The following IL12RB2 variants were observed in gnomAD, a reference collection of about 807,000 sequenced individuals.
The protein encoded by IL12RB2 is interleukin 12 receptor subunit beta 2, also known as interleukin-12 receptor subunit beta-2.
IL12RB2 carries 82 observed loss-of-function variants against 89.4 expected under a neutral mutation model. The observed-to-expected ratio is 0.92, with a 90% CI of 0.77 to 1.10. The LOEUF (loss-of-function observed/expected upper bound fraction) is 1.10, where lower values mean the gene tolerates loss of function less well. IL12RB2 is among the 50% of genes least tolerant of loss of function. The pLI, the probability that IL12RB2 is intolerant of heterozygous loss-of-function variation, is 0.00. For synonymous variants in IL12RB2, 368 were observed against 370.1 expected, an observed-to-expected ratio of 0.99 and a Z score of 0.07; for missense variants, 963 against 1,031.9, an observed-to-expected ratio of 0.93 and a Z score of 0.92.
rs931368642 is a variant in IL12RB2 at position 67,397,606 on chromosome 1, A to C, written c.*1517A>C. Among the ~76,000 whole-genome samples, 1 of 152,098 alleles carries C rather than the reference A, an allele frequency of 6.6e-6. No homozygotes were observed. Among genetic ancestry groups the C allele is most frequent in the East Asian group, 1.9e-4 (1 of 5,190 alleles). ...TTAAAGCTGTGGCCCCTGGCTTGCCACCCTCCCTAGCCCATTGCTGCCTCT... is the reference window on the plus strand; with the variant it reads ...TTAAAGCTGTGGCCCCTGGCTTGCCCCCCTCCCTAGCCCATTGCTGCCTCT... On this transcript the variant is annotated 3_prime_UTR_variant, in exon 17 of 17. Transcript: ENST00000674203.
intron 10 of IL12RB2, among the ~76,000 whole-genome samples, chr1:67,367,191 G>C (rs1256943210): frequency 6.6e-6 from 1 of 151,920 alleles, no homozygotes; most frequent in Non-Finnish European, 1.5e-5. Flanking sequence ...CCAGGAGTTT[G>C]AGATCAGCCT....
At position 67,397,628 on chromosome 1, in the gene IL12RB2, C is replaced by G. The variant is rs1666439769; in HGVS notation, c.*1539C>G. ...GCCACCCTCCCTAGCCCATTGCTGC[C>G]TCTGTCTCTTCACCATAGGCACTTC... On this transcript the variant is annotated 3_prime_UTR_variant, in exon 17 of 17. Transcript: ENST00000674203. Among the ~76,000 whole-genome samples, 1 of 152,228 alleles carries G rather than the reference C, an allele frequency of 6.6e-6. No homozygotes were observed. Among genetic ancestry groups the G allele is most frequent in the Non-Finnish European group, 1.5e-5 (1 of 68,036 alleles).
At chr1:67,310,376 G>T (rs1261873365) in intron 1 of IL12RB2, among the ~76,000 whole-genome samples, 2 of 152,030 alleles carry the variant, frequency 1.3e-5, no homozygotes, top group African/African-American at 4.8e-5. Context: ...TGAATATAAA[G>T]AAATGTAAGG....
In IL12RB2 at chr1:67,321,693, A is replaced by T; in HGVS notation, c.168A>T (p.Arg56Ser). The change falls in exon 4 of 17, where the codon AGA (arginine) becomes AGT (serine). Residue 56 changes from arginine (R) to serine (S), a missense_variant. By Grantham distance (110) the Arg-to-Ser change is moderately radical (BLOSUM62 -1). Coordinates refer to ENST00000674203, the MANE Select transcript of IL12RB2 (RefSeq NM_001374259.2). The part of the protein sequence containing the change: ...TVNITCSLKP[R>S]QGCFHYSRRN... ...ATATTACATGCTCTTTGAAGCCCAG[A>T]CAAGGCTGCTTTCACTATTCCAGAC... is the stretch of plus-strand genomic sequence containing the variant. 5 of 1,609,148 alleles carry T rather than the reference A, an allele frequency of 3.1e-6. No homozygotes were observed. Among genetic ancestry groups the T allele is most frequent in the Non-Finnish European group, 4.3e-6 (5 of 1,175,476 alleles).
chr1:67,391,305 G>C (rs1405365752), intron 16 of IL12RB2, among the ~76,000 whole-genome samples: 1 of 151,090 alleles, frequency 6.6e-6, no homozygotes, highest in Non-Finnish European at 1.5e-5. Flanking sequence ...TCTCCTCTGA[G>C]GGATTTCATC....
chr1:67,352,507 T>C (rs1205940336), intron 10 of IL12RB2, among the ~76,000 whole-genome samples: 1 of 152,130 alleles, frequency 6.6e-6, no homozygotes, highest in Non-Finnish European at 1.5e-5. Context: ...TTAAGGAGCT[T>C]TACCCCAGGT....
chr1:67,388,372 G>A (rs578085301), intron 15 of IL12RB2, among the ~76,000 whole-genome samples: 1 of 152,168 alleles, frequency 6.6e-6, no homozygotes, highest in African/African-American at 2.4e-5. Context: ...TTGAGACAGA[G>A]TCTCACTCTG....
At chr1:67,351,178 A>G (rs1660795552) in intron 10 of IL12RB2, 89 bp downstream of exon 10, 1 of 1,559,322 alleles carries the variant, frequency 6.4e-7, no homozygotes, top group African/African-American at 1.4e-5. Context: ...AGGACCTAAA[A>G]TGAGTAGCTA....
upstream of IL12RB2, chr1:67,307,757 C>CGG (rs1654451283): frequency 6.6e-6 from 1 of 152,234 alleles, no homozygotes; most frequent in African/African-American, 2.4e-5. Context: ...ACCCCCGCCC[C>CGG]GGCCCGATCC....
intron 9 of IL12RB2, among the ~76,000 whole-genome samples, chr1:67,343,658 C>T (rs1659909998): frequency 6.6e-6 from 1 of 152,064 alleles, no homozygotes; most frequent in Admixed American, 6.6e-5. Flanking sequence ...ATCCATGATT[C>T]CAATATACTT....
intron 5 of IL12RB2, among the ~76,000 whole-genome samples, chr1:67,327,379 C>T (rs561764483): frequency 9.9e-5 from 15 of 152,062 alleles, no homozygotes; most frequent in African/African-American, 3.4e-4. Context: ...TATGAGAGAC[C>T]GAATGTCTTG....
Position 67,348,658 on chromosome 1 carries a change from C to T in IL12RB2, c.1039-2212C>T, listed in dbSNP as rs141816705. ...TACACCATTTGCAAACTTTATGTTGCCTTAAAAAATTAAAAAAAAAAAAAC... is the reference window on the plus strand; with the variant it reads ...TACACCATTTGCAAACTTTATGTTGTCTTAAAAAATTAAAAAAAAAAAAAC... On this transcript the variant is annotated intron_variant, in intron 9 of 16. Coordinates refer to ENST00000674203, the MANE Select transcript of IL12RB2 (RefSeq NM_001374259.2). Among the ~76,000 whole-genome samples, 126 of 150,218 alleles carry T rather than the reference C, an allele frequency of 8.4e-4. 2 individuals are homozygous for T. In the South Asian group the frequency reaches 0.017, roughly 20 times the overall value.
intron 10 of IL12RB2, among the ~76,000 whole-genome samples, chr1:67,353,846 C>A (rs1384031620): frequency 6.6e-6 from 1 of 152,216 alleles, no homozygotes; most frequent in African/African-American, 2.4e-5. Context: ...CTTCAAACCT[C>A]ACTGCAGATG....
At position 67,318,362 on chromosome 1, in the gene IL12RB2, C is replaced by G. The variant is rs182716944; in HGVS notation, c.-36-1971C>G. On this transcript the variant is annotated intron_variant, in intron 2 of 16. Transcript: ENST00000674203. The stretch of plus-strand genomic sequence containing the variant: ...GGTGGTGTGCAGGGGGTAACATGAT[C>G]TGATTTATGTTTTTCAAAGATAGTT... 2.3e-4 allele frequency among the ~76,000 whole-genome samples: 35 copies of G among 152,164 alleles called. No individual in the cohort carries two copies. In the South Asian group the frequency reaches 4.1e-3, roughly 18 times the overall value.
At chr1:67,388,488 G>A (rs1665466964) in intron 15 of IL12RB2, among the ~76,000 whole-genome samples, 1 of 152,100 alleles carries the variant, frequency 6.6e-6, no homozygotes, top group Non-Finnish European at 1.5e-5. Flanking sequence ...TGGGACTACA[G>A]GTGCCCGCCA....
At chr1:67,316,465 G>T (rs186293428) in intron 2 of IL12RB2, among the ~76,000 whole-genome samples, 1 of 129,500 alleles carries the variant, frequency 7.7e-6, no homozygotes, top group African/African-American at 2.8e-5. Context: ...AATGTCACTC[G>T]TAGCTCGTTA....
Position 67,321,862 on chromosome 1 carries a change from A to C in IL12RB2, c.337A>C (p.Ile113Leu). The C allele has an allele frequency of 6.2e-7, 1 of 1,614,030 alleles. No individual in the cohort carries two copies. Among genetic ancestry groups the C allele is most frequent in the Non-Finnish European group, 8.5e-7 (1 of 1,179,894 alleles). ...LACINSDEIQ[I>L]CGAEIFVGVA... ...CTGTATCAATAGTGATGAAATTCAAATATGTGGAGCAGAGATCTTCGTTGG... is the reference window on the plus strand; with the variant it reads ...CTGTATCAATAGTGATGAAATTCAACTATGTGGAGCAGAGATCTTCGTTGG... Residue 113 changes from isoleucine to leucine, a missense_variant, in exon 4 of 17, where the codon ATA becomes CTA. Coordinates refer to ENST00000674203, the MANE Select transcript of IL12RB2 (RefSeq NM_001374259.2).
intron 4 of IL12RB2, among the ~76,000 whole-genome samples, chr1:67,322,858 C>A (rs999719820): frequency 5.9e-5 from 9 of 152,212 alleles, no homozygotes; most frequent in African/African-American, 2.2e-4. Flanking sequence ...AGCAGCACAC[C>A]TACCTGCAGT....
intron 15 of IL12RB2, among the ~76,000 whole-genome samples, chr1:67,387,767 G>A (rs1366348755): frequency 6.6e-6 from 1 of 151,092 alleles, no homozygotes. Context: ...CATTTAAAAG[G>A]CAGCCTGCCA....
Sources: allele counts gnomAD v4.1 joint callset (sites outside exome capture counted in the v4.1 genomes callset), GRCh38; gene constraint gnomAD v4.1.1; transcripts MANE v1.5; gene names NCBI Gene and HGNC (gene_info 2026-07-23, HGNC 2026-07-21).